The following HUNK variants were observed in gnomAD, a reference collection of about 807,000 sequenced individuals.
HUNK encodes hormonally up-regulated Neu-associated kinase, also known as hormonally up-regulated neu tumor-associated kinase.
Under a neutral mutation model 61.0 loss-of-function variants are expected in HUNK, and 21 were observed. That is an observed-to-expected ratio of 0.34 (90% CI 0.24 to 0.50). HUNK has a LOEUF of 0.50. HUNK is among the 20% of genes least tolerant of loss of function. HUNK has a pLI of 0.98. For synonymous variants in HUNK, 371 were observed against 386.1 expected (o/e 0.96, Z 0.46); for missense variants, 772 against 945.7 (o/e 0.82, Z 2.41).
chr21:31,967,989 G>T (rs563742836), intron 5 of HUNK, among the ~76,000 whole-genome samples: 17 of 152,126 alleles, frequency 1.1e-4, no homozygotes, highest in African/African-American at 3.9e-4. Context: ...TAAATTCTTT[G>T]GCTATGTGGT....
At chr21:31,893,342 C>T (rs1338239953) in intron 1 of HUNK, among the ~76,000 whole-genome samples, 2 of 152,154 alleles carry the variant, frequency 1.3e-5, no homozygotes. Flanking sequence ...CCTGGAGCAA[C>T]TCTTTTCCCG....
At chr21:31,932,368 C>T (rs889846958) in intron 2 of HUNK, among the ~76,000 whole-genome samples, 4 of 152,134 alleles carry the variant, frequency 2.6e-5, no homozygotes, top group Non-Finnish European at 5.9e-5. Flanking sequence ...AGGGCAGTGA[C>T]TCAGTTTATG....
At chr21:31,945,297 G>C (rs2052794441) in intron 3 of HUNK, among the ~76,000 whole-genome samples, 1 of 152,086 alleles carries the variant, frequency 6.6e-6, no homozygotes, top group Non-Finnish European at 1.5e-5. Flanking sequence ...AGGCATAATA[G>C]ACCCAAAGTC....
At chr21:31,942,561 A>G (rs958114023) in intron 3 of HUNK, among the ~76,000 whole-genome samples, 1 of 152,174 alleles carries the variant, frequency 6.6e-6, no homozygotes, top group African/African-American at 2.4e-5. Context: ...TCAAGTGAGG[A>G]AATTATACAC....
intron 1 of HUNK, among the ~76,000 whole-genome samples, chr21:31,919,573 G>A: frequency 6.6e-6 from 1 of 152,332 alleles, no homozygotes; most frequent in East Asian, 1.9e-4. Flanking sequence ...GTGGTCTGCA[G>A]TGTAGACACT....
At chr21:31,956,511 T>C (rs568059507) in intron 4 of HUNK, among the ~76,000 whole-genome samples, 1 of 152,280 alleles carries the variant, frequency 6.6e-6, no homozygotes, top group African/African-American at 2.4e-5. Context: ...ACCTCAAACA[T>C]ACTCAAAGTG....
intron 1 of HUNK, among the ~76,000 whole-genome samples, chr21:31,897,571 A>T (rs1401577872): frequency 1.3e-5 from 2 of 152,226 alleles, no homozygotes; most frequent in Non-Finnish European, 1.5e-5. Flanking sequence ...TAACTGGATC[A>T]TCTGCAAAGA....
intron 4 of HUNK, among the ~76,000 whole-genome samples, chr21:31,947,181 A>T (rs2052811334): frequency 6.8e-6 from 1 of 147,566 alleles, no homozygotes; most frequent in African/African-American, 2.5e-5. Context: ...GGCTCAAGCC[A>T]GTGGCGCCTG....
chr21:31,998,130 G>A (rs1317071487), intron 10 of HUNK, among the ~76,000 whole-genome samples: 15 of 152,078 alleles, frequency 9.9e-5, no homozygotes, highest in South Asian at 2.1e-4. Context: ...TATTGCTCAC[G>A]CTGGTCTTGA....
At chr21:31,980,471 G>C (rs1352001432) in intron 7 of HUNK, among the ~76,000 whole-genome samples, 4 of 150,872 alleles carry the variant, frequency 2.7e-5, no homozygotes, top group Non-Finnish European at 2.9e-5. Context: ...CCGCCTCCCA[G>C]CTTCAAGCGA....
chr21:31,923,867 C>A (rs1051704014), intron 1 of HUNK, among the ~76,000 whole-genome samples: 5 of 152,030 alleles, frequency 3.3e-5, no homozygotes, highest in African/African-American at 1.2e-4. Context: ...GCCAAGTTTC[C>A]CTAGGAGGCA....
intron 5 of HUNK, among the ~76,000 whole-genome samples, chr21:31,965,105 C>T (rs1322198052): frequency 6.6e-6 from 1 of 152,174 alleles, no homozygotes; most frequent in East Asian, 1.9e-4. Context: ...GGGAGATAGA[C>T]ATTCTGAAAA....
intron 10 of HUNK, among the ~76,000 whole-genome samples, chr21:31,996,300 T>C (rs2053205523): frequency 6.6e-6 from 1 of 152,070 alleles, no homozygotes; most frequent in Non-Finnish European, 1.5e-5. Flanking sequence ...CTGTAAGGAA[T>C]TGTGGGAGTA....
chr21:31,953,638 A>C (rs1458375077), intron 4 of HUNK, among the ~76,000 whole-genome samples: 1 of 152,202 alleles, frequency 6.6e-6, no homozygotes, highest in Non-Finnish European at 1.5e-5. Context: ...CAATTTATCA[A>C]GCTTAATTTA....
intron 1 of HUNK, among the ~76,000 whole-genome samples, chr21:31,903,056 C>T (rs553268011): frequency 3.3e-5 from 5 of 151,272 alleles, no homozygotes; most frequent in East Asian, 1.9e-4. Flanking sequence ...AATCTTGATT[C>T]GATGAAAGCC....
chr21:31,970,091 G>A (rs2052999745), intron 6 of HUNK, among the ~76,000 whole-genome samples: 1 of 152,174 alleles, frequency 6.6e-6, no homozygotes, highest in South Asian at 2.1e-4. Flanking sequence ...CAGAGGGGCA[G>A]ATAGGAGACT....
chr21:31,878,336 C>T (rs2052281809), intron 1 of HUNK, among the ~76,000 whole-genome samples: 1 of 150,562 alleles, frequency 6.6e-6, no homozygotes, highest in Admixed American at 6.6e-5. Context: ...AACTTAGAAA[C>T]CACGTATAAT....
intron 8 of HUNK, among the ~76,000 whole-genome samples, chr21:31,983,977 A>G (rs1209168728): frequency 6.6e-6 from 1 of 152,206 alleles, no homozygotes; most frequent in African/African-American, 2.4e-5. Context: ...ATCTCCCAAA[A>G]TGAAAATGAG....
chr21:31,988,150 G>A (rs936047460), intron 8 of HUNK, among the ~76,000 whole-genome samples: 1 of 152,170 alleles, frequency 6.6e-6, no homozygotes, highest in Non-Finnish European at 1.5e-5. Context: ...GGCAGAGACT[G>A]TATCTATAAA....
Sources: gnomAD v4.1 joint callset for allele counts (sites outside exome capture counted in the v4.1 genomes callset) on GRCh38, gnomAD v4.1.1 for gene constraint, MANE v1.5 for transcripts, NCBI Gene and HGNC (gene_info 2026-07-23, HGNC 2026-07-21) for gene names.